GALNT11: variants seen among roughly 807,000 people sequenced by gnomAD.
The protein encoded by GALNT11 is UDP-GalNAc:polypeptide N-acetylgalactosaminyltransferase 11.
GALNT11 carries 47 observed loss-of-function variants against 72.7 expected under a neutral mutation model. That is an observed-to-expected ratio of 0.65 (90% confidence interval 0.51 to 0.82). The LOEUF (loss-of-function observed/expected upper bound fraction) is 0.82. Ranked by LOEUF, GALNT11 falls within the 40% of genes least tolerant of loss-of-function variation. GALNT11 has a pLI of 0.00. For missense variants in GALNT11, 677 were observed against 778.4 expected, an observed-to-expected ratio of 0.87 and a Z score of 1.55; for synonymous variants, 270 against 286.6, an observed-to-expected ratio of 0.94 and a Z score of 0.58.
At chr7:152,115,607 T>C (rs1219377539) in intron 8 of GALNT11, among the ~76,000 whole-genome samples, 1 of 152,230 alleles carries the variant, frequency 6.6e-6, no homozygotes, top group Non-Finnish European at 1.5e-5. Flanking sequence ...TCACAAACCA[T>C]AGTTACTCGT....
In GALNT11 at chr7:152,034,618, G is replaced by C. The variant is rs149795040; in HGVS notation, c.-39+8734G>C. On this transcript the variant is annotated intron_variant, in intron 1 of 11. Transcript: ENST00000430044. ...TTTTGGTTTGTTTGTTTCTCCCCCTGCCCAAGAACCCACAATGGTCCCTGA... is the reference window on the plus strand; with the variant it reads ...TTTTGGTTTGTTTGTTTCTCCCCCTCCCCAAGAACCCACAATGGTCCCTGA... 3.1e-3 allele frequency among the ~76,000 whole-genome samples: 472 copies of C among 152,126 alleles called. 18 individuals carry two copies. In the East Asian group the frequency reaches 0.067, roughly 22 times the overall value.
chr7:152,039,162 A>C (rs542458742), intron 1 of GALNT11, among the ~76,000 whole-genome samples: 1 of 152,212 alleles, frequency 6.6e-6, no homozygotes, highest in African/African-American at 2.4e-5. Context: ...CTGAGGTGCA[A>C]TTCAAGCTAA....
At chr7:152,034,807 G>A (rs750610798) in intron 1 of GALNT11, among the ~76,000 whole-genome samples, 7 of 152,096 alleles carry the variant, frequency 4.6e-5, no homozygotes, top group Admixed American at 2.0e-4. Context: ...AAGGAGGACC[G>A]AGGAAGGTCG....
intron 1 of GALNT11, among the ~76,000 whole-genome samples, chr7:152,061,196 GTTT>G (rs1358734642): frequency 6.6e-6 from 1 of 152,122 alleles, no homozygotes; most frequent in African/African-American, 2.4e-5. Context: ...TCTCATTGTG[GTTT>G]TGATTTGCAT....
At chr7:152,099,108 A>G (rs1477124946) in intron 2 of GALNT11, among the ~76,000 whole-genome samples, 2 of 150,480 alleles carry the variant, frequency 1.3e-5, no homozygotes, top group African/African-American at 2.4e-5. Context: ...TGCCTGGCTT[A>G]TTTTTGTATT....
chr7:152,105,923 G>A (rs190317515), intron 5 of GALNT11, among the ~76,000 whole-genome samples: 3 of 152,176 alleles, frequency 2.0e-5, no homozygotes, highest in Admixed American at 6.5e-5. Flanking sequence ...GTTGTTACTA[G>A]TATATTTCCA....
chr7:152,113,414 T>C lies in GALNT11; in HGVS notation c.1233+16T>C, dbSNP rs1216353235. 6.2e-7 allele frequency: 1 copy of C among 1,612,464 alleles called. No individual in the cohort carries two copies. Among genetic ancestry groups the C allele is most frequent in the Non-Finnish European group, 8.5e-7 (1 of 1,179,340 alleles). ...TGAATACAAGGTGAGATGAAATTTC[T>C]TGTTTAGAAGGATGAATGATAGGCC... On this transcript the variant is annotated intron_variant, in intron 8 of 11. Coordinates refer to ENST00000430044, the MANE Select transcript of GALNT11 (RefSeq NM_022087.4).
At chr7:152,035,179 A>T (rs972279654) in intron 1 of GALNT11, among the ~76,000 whole-genome samples, 4 of 152,198 alleles carry the variant, frequency 2.6e-5, no homozygotes, top group African/African-American at 9.6e-5. Context: ...GAGGGATCCT[A>T]AAATTCCGGA....
chr7:152,109,012 T>C (rs1239140509), intron 6 of GALNT11, among the ~76,000 whole-genome samples: 1 of 152,248 alleles, frequency 6.6e-6, no homozygotes, highest in Non-Finnish European at 1.5e-5. Context: ...TTATCGTTGC[T>C]TATTTGTTGT....
chr7:152,101,124 G>C (rs990865823), intron 3 of GALNT11, among the ~76,000 whole-genome samples: 2 of 152,210 alleles, frequency 1.3e-5, no homozygotes, highest in African/African-American at 4.8e-5. Context: ...GGAGCTTGCT[G>C]TGTCTCCTTT....
At chr7:152,097,946 T>C (rs1289320624) in intron 2 of GALNT11, among the ~76,000 whole-genome samples, 1 of 152,172 alleles carries the variant, frequency 6.6e-6, no homozygotes, top group Non-Finnish European at 1.5e-5. Flanking sequence ...CATACAACAT[T>C]GAGAATGTAC....
intron 6 of GALNT11, among the ~76,000 whole-genome samples, chr7:152,109,143 A>C (rs538278099): frequency 3.9e-5 from 6 of 152,368 alleles, no homozygotes; most frequent in Admixed American, 2.0e-4. Context: ...TTCTTTCTGC[A>C]GCTGTAGGCT....
intron 9 of GALNT11, 183 bp from the exon 10 acceptor site, chr7:152,118,494 TG>T: frequency 3.7e-6 from 2 of 534,844 alleles, no homozygotes; most frequent in Non-Finnish European, 3.2e-6. Flanking sequence ...TTATAACTTT[TG>T]TCTATCTTGA....
At chr7:152,108,388 G>A in intron 6 of GALNT11, 101 bp downstream of exon 6, 1 of 1,486,156 alleles carries the variant, frequency 6.7e-7, no homozygotes, top group Admixed American at 2.2e-5. Context: ...AGGAGCAAAA[G>A]TGTTAGACTT....
chr7:152,120,967 G>C lies in GALNT11; in HGVS notation c.1694G>C (p.Gly565Ala). The change falls in exon 11 of 12, where the codon GGG (glycine) becomes GCG (alanine). Residue 565 changes from glycine (G) to alanine (A), a missense_variant and splice_region_variant. Coordinates refer to ENST00000430044, the MANE Select transcript of GALNT11 (RefSeq NM_022087.4). ...GGAGGATCCCAGCAGTGGACCTTTG[G>C]GGTGAGGAGTGCTCGGTGATGTTGG... Reference protein sequence around the residue: ...GSGGSQQWTFGKNNRLYQVSV... With the variant: ...GSGGSQQWTFAKNNRLYQVSV... 1 of 1,613,044 alleles carries C rather than the reference G, an allele frequency of 6.2e-7. No homozygotes were observed.
chr7:152,082,417 T>C (rs916389121), intron 1 of GALNT11, among the ~76,000 whole-genome samples: 2 of 152,202 alleles, frequency 1.3e-5, no homozygotes, highest in Non-Finnish European at 2.9e-5. Flanking sequence ...TTTGTCCCGA[T>C]TGGCTAGCAA....
chr7:152,044,207 A>G (rs2083008131), intron 1 of GALNT11, among the ~76,000 whole-genome samples: 1 of 152,194 alleles, frequency 6.6e-6, no homozygotes. Context: ...TATTGACAGC[A>G]AGGCAGTCAT....
At chr7:152,033,179 C>T (rs1341998772) in intron 1 of GALNT11, among the ~76,000 whole-genome samples, 1 of 152,146 alleles carries the variant, frequency 6.6e-6, no homozygotes, top group African/African-American at 2.4e-5. Flanking sequence ...CGGGGCAGTG[C>T]GCCTTCCAGT....
rs1321429140 is a variant in GALNT11, at chr7:152,076,056, C to T, written c.-38-18134C>T. Among the ~76,000 whole-genome samples the T allele has an allele frequency of 3.1e-4, 27 of 87,504 alleles. No individual in the cohort carries two copies. The East Asian group carries it at 5.6e-3, about 18-fold the overall frequency. The allele number at this position is 87,504 out of a possible 152,430, so 57.4% of individuals were successfully genotyped here. A position where few individuals can be genotyped will look rare whatever the true frequency, so the allele number is the denominator to read the frequency against. Reference sequence around the variant, plus strand: ...CAGCCTGGGCGACAGAGCGAGACTCCGTCTCAAAAAAAAAAAAAAAAAAAA... The same window carrying T: ...CAGCCTGGGCGACAGAGCGAGACTCTGTCTCAAAAAAAAAAAAAAAAAAAA... On this transcript the variant is annotated intron_variant, in intron 1 of 11. Coordinates refer to ENST00000430044, the MANE Select transcript of GALNT11 (RefSeq NM_022087.4).
Sources: allele counts gnomAD v4.1 joint callset (sites outside exome capture counted in the v4.1 genomes callset), GRCh38; gene constraint gnomAD v4.1.1; transcripts MANE v1.5; gene names NCBI Gene and HGNC (gene_info 2026-07-23, HGNC 2026-07-21).